The following BABAM2 variants were observed in gnomAD, a reference collection of about 807,000 sequenced individuals.
The protein encoded by BABAM2 is BRISC and BRCA1-A complex member 2.
BABAM2 carries 31 observed loss-of-function variants against 54.7 expected under a neutral mutation model. The ratio of observed to expected loss-of-function variants is 0.57; its 90% CI spans 0.43 to 0.77. The LOEUF is 0.77. Ranked by LOEUF, BABAM2 falls within the 30% of genes least tolerant of loss-of-function variation. BABAM2 has a pLI of 0.00. For missense variants in BABAM2, 364 were observed against 455.8 expected (o/e 0.80, Z 1.83); for synonymous variants, 167 against 162.9 (o/e 1.03, Z -0.19).
At chr2:27,918,587 T>C (rs1170562449) in intron 2 of BABAM2, among the ~76,000 whole-genome samples, 1 of 152,166 alleles carries the variant, frequency 6.6e-6, no homozygotes, top group East Asian at 1.9e-4. Context: ...TCCTATCAAG[T>C]TTTTGTTCTT....
chr2:27,933,489 A>T (rs1410346183), intron 3 of BABAM2, among the ~76,000 whole-genome samples: 1 of 151,828 alleles, frequency 6.6e-6, no homozygotes, highest in East Asian at 1.9e-4. Context: ...GTATGTATAT[A>T]TGTATATATA....
intron 11 of BABAM2, among the ~76,000 whole-genome samples, chr2:28,316,180 G>A (rs562558836): frequency 1.3e-5 from 2 of 152,224 alleles, no homozygotes; most frequent in Admixed American, 1.3e-4. Context: ...ATTTAACAAG[G>A]CATCCTGTAT....
At chr2:27,889,021 T>C (rs946561734), upstream of BABAM2, among the ~76,000 whole-genome samples, 1 of 152,230 alleles carries the variant, frequency 6.6e-6, no homozygotes, top group East Asian at 1.9e-4. Context: ...ATAAAGGTCA[T>C]TGGTATTTAA....
At chr2:28,141,522 G>T (rs1260198398) in intron 7 of BABAM2, among the ~76,000 whole-genome samples, 6 of 152,128 alleles carry the variant, frequency 3.9e-5, no homozygotes, top group Non-Finnish European at 7.4e-5. Context: ...AGAGATTCAT[G>T]AAGACCTCTC....
intron 6 of BABAM2, among the ~76,000 whole-genome samples, chr2:28,107,575 T>C (rs1667637501): frequency 6.6e-6 from 1 of 152,164 alleles, no homozygotes; most frequent in Admixed American, 6.5e-5. Context: ...TTATCCTTTT[T>C]ACTCCCTTGG....
At chr2:28,129,817 G>A (rs1669871056) in intron 7 of BABAM2, among the ~76,000 whole-genome samples, 1 of 152,176 alleles carries the variant, frequency 6.6e-6, no homozygotes, top group Non-Finnish European at 1.5e-5. Flanking sequence ...AGTTAGTAAA[G>A]CTAATATTAA....
chr2:28,119,211 T>G (rs116614447), intron 6 of BABAM2, among the ~76,000 whole-genome samples: 380 of 152,354 alleles, frequency 2.5e-3, no homozygotes, highest in African/African-American at 8.7e-3. Flanking sequence ...AAATTGATAC[T>G]TTAAGTAAGC....
intron 6 of BABAM2, among the ~76,000 whole-genome samples, chr2:28,126,144 T>A (rs555000175): frequency 4.8e-4 from 72 of 151,464 alleles, no homozygotes; most frequent in Non-Finnish European, 7.9e-4. Flanking sequence ...TTTTTAATTT[T>A]ATTTTATTAT....
At chr2:28,314,574 A>T (rs1401463643) in intron 11 of BABAM2, among the ~76,000 whole-genome samples, 1 of 152,242 alleles carries the variant, frequency 6.6e-6, no homozygotes, top group African/African-American at 2.4e-5. Flanking sequence ...CCAGATCACT[A>T]GCCTAGATCA....
At chr2:28,015,898 G>T in intron 4 of BABAM2, 8 of 595,122 alleles carry the variant, frequency 1.3e-5, no homozygotes, top group South Asian at 1.2e-4. Flanking sequence ...CATATACTCT[G>T]ATTCTGACAA....
chr2:28,314,558 T>C (rs1362916236), intron 11 of BABAM2, among the ~76,000 whole-genome samples: 1 of 152,186 alleles, frequency 6.6e-6, no homozygotes, highest in Non-Finnish European at 1.5e-5. Flanking sequence ...TTTAATTAGA[T>C]TTTGCCCAGA....
chr2:28,261,277 A>G (rs1468726785), intron 10 of BABAM2, among the ~76,000 whole-genome samples: 3 of 151,744 alleles, frequency 2.0e-5, no homozygotes, highest in Non-Finnish European at 4.4e-5. Context: ...AATTGTTAAT[A>G]TATAGAAATA....
chr2:28,126,840 T>A (rs1669589298), intron 6 of BABAM2, among the ~76,000 whole-genome samples: 2 of 148,302 alleles, frequency 1.3e-5, no homozygotes, highest in East Asian at 2.0e-4. Context: ...CCATTCTAAT[T>A]GGTGTGAGAT....
intron 10 of BABAM2, among the ~76,000 whole-genome samples, chr2:28,275,709 AT>A (rs1333982712): frequency 6.6e-6 from 1 of 152,178 alleles, no homozygotes; most frequent in African/African-American, 2.4e-5. Flanking sequence ...ACAGATCAGG[AT>A]TTTAAAGCAA....
At chr2:28,195,484 A>G (rs1035672611) in intron 7 of BABAM2, among the ~76,000 whole-genome samples, 4 of 152,302 alleles carry the variant, frequency 2.6e-5, no homozygotes, top group African/African-American at 9.6e-5. Flanking sequence ...GAGAATTCTA[A>G]AGTTTAAAGG....
At chr2:27,906,269 C>T (rs1043348767) in intron 2 of BABAM2, among the ~76,000 whole-genome samples, 3 of 152,104 alleles carry the variant, frequency 2.0e-5, no homozygotes, top group African/African-American at 7.2e-5. Context: ...GGCAGGATGT[C>T]CATCAGGAAG....
chr2:28,228,058 T>C (rs543199328), intron 7 of BABAM2, among the ~76,000 whole-genome samples: 9 of 152,232 alleles, frequency 5.9e-5, no homozygotes, highest in Non-Finnish European at 1.2e-4. Flanking sequence ...ACAATGAGTA[T>C]GTTGACACTT....
chr2:28,157,761 G>A (rs755848651), intron 7 of BABAM2, among the ~76,000 whole-genome samples: 11 of 152,082 alleles, frequency 7.2e-5, no homozygotes, highest in African/African-American at 1.2e-4. Flanking sequence ...ACAGGCATGC[G>A]CCACCATGCC....
At chr2:28,189,421 G>A (rs914099001) in intron 7 of BABAM2, among the ~76,000 whole-genome samples, 2 of 152,102 alleles carry the variant, frequency 1.3e-5, no homozygotes, top group African/African-American at 4.8e-5. Context: ...AGTATTATAG[G>A]CGGTAAGAGC....
Sources: gnomAD v4.1 joint callset for allele counts (sites outside exome capture counted in the v4.1 genomes callset) on GRCh38, gnomAD v4.1.1 for gene constraint, MANE v1.5 for transcripts, NCBI Gene and HGNC (gene_info 2026-07-23, HGNC 2026-07-21) for gene names.